Variants in RAI14 observed in about 807,000 individuals in gnomAD.
RAI14 encodes the protein ankycorbin.
Under a neutral mutation model 115.4 loss-of-function variants are expected in RAI14, and 45 were observed. That is an observed-to-expected ratio of 0.39 (90% CI 0.31 to 0.50). RAI14 has a LOEUF of 0.50. Among genes scored for constraint, RAI14 ranks in the 20% least tolerant of loss-of-function variants. The pLI, the probability that RAI14 is intolerant of heterozygous loss-of-function variation, is 0.85. For missense variants in RAI14, 939 were observed against 1,131.2 expected (o/e 0.83, Z 2.44); for synonymous variants, 371 against 415.4 (o/e 0.89, Z 1.30).
chr5:34,807,743 G>T, intron 5 of RAI14, 57 bp from the exon 6 acceptor site: 1 of 1,318,442 alleles, frequency 7.6e-7, no homozygotes, highest in South Asian at 1.2e-5. Flanking sequence ...AGTCTGAACT[G>T]AATAGAATTG....
chr5:34,812,403 C>T (rs939300447), intron 10 of RAI14, among the ~76,000 whole-genome samples, 195 bp downstream of exon 10: 5 of 152,166 alleles, frequency 3.3e-5, no homozygotes, highest in Non-Finnish European at 7.3e-5. Context: ...CGGTGGCTCA[C>T]GCCTGTAATC....
intron 3 of RAI14, among the ~76,000 whole-genome samples, chr5:34,766,983 AT>A (rs796922834): frequency 9.0e-4 from 136 of 151,830 alleles, no homozygotes; most frequent in African/African-American, 3.1e-3. Flanking sequence ...CATCTTCGTC[AT>A]TTTTCTCTTG....
chr5:34,802,501 C>G (rs1429471512), intron 4 of RAI14, among the ~76,000 whole-genome samples: 1 of 152,120 alleles, frequency 6.6e-6, no homozygotes, highest in Non-Finnish European at 1.5e-5. Flanking sequence ...GTCCTCTGCT[C>G]TGACCCTCTC....
In RAI14 at chr5:34,824,483, G is replaced by T. The variant is rs1325085615; in HGVS notation, c.2641G>T (p.Asp881Tyr). 19 of 1,569,290 alleles carry T rather than the reference G, an allele frequency of 1.2e-5. No homozygotes were observed. Among genetic ancestry groups the T allele is most frequent in the Non-Finnish European group, 1.6e-5 (19 of 1,158,796 alleles). The change falls in exon 15 of 18, where the codon GAT (aspartate) becomes TAT (tyrosine). Residue 881 changes from aspartate to tyrosine, a missense_variant. Coordinates refer to ENST00000265109, the MANE Select transcript of RAI14 (RefSeq NM_015577.3). ...ESSSKLEEDK[D>Y]KKINEMSKEV... Reference sequence around the variant, plus strand: ...CTCTTCAAAACTGGAGGAAGATAAAGATAAAAAGGTTGGTGAAACTGTATT... The same window carrying T: ...CTCTTCAAAACTGGAGGAAGATAAATATAAAAAGGTTGGTGAAACTGTATT...
chr5:34,832,472 A>G lies in RAI14; in HGVS notation c.*1707A>G, dbSNP rs1039191235. The G allele has an allele frequency of 3.9e-5, 6 of 152,766 alleles. No homozygotes were observed. The highest frequency in any genetic ancestry group is 1.9e-4 in the East Asian group (1 of 5,194). 9.5% of individuals were successfully genotyped at this position (152,766 alleles called of 1,614,324 possible). A position where few individuals can be genotyped will look rare whatever the true frequency, so the allele number is the denominator to read the frequency against. ...TTTTGTAGGATGCCTGACGAGGTGT[A>G]GCCTTTTATCTTGTTTCCGGATGCA... is the stretch of plus-strand genomic sequence containing the variant. On this transcript the variant is annotated 3_prime_UTR_variant, in exon 18 of 18. Coordinates refer to ENST00000265109, the MANE Select transcript of RAI14 (RefSeq NM_015577.3).
At chr5:34,757,768 C>T (rs1190101687) in intron 3 of RAI14, 170 bp downstream of exon 3, 4 of 868,096 alleles carry the variant, frequency 4.6e-6, no homozygotes, top group Non-Finnish European at 6.5e-6. Context: ...TTCCAAGTCA[C>T]ATATGGAGCT....
intron 3 of RAI14, among the ~76,000 whole-genome samples, chr5:34,785,510 A>G (rs552000181): frequency 3.4e-4 from 52 of 152,284 alleles, no homozygotes; most frequent in African/African-American, 1.1e-3. Context: ...TGGGCCCTTC[A>G]CAGTGCAAAA....
chr5:34,695,696 A>G (rs1034325408), intron 2 of RAI14, among the ~76,000 whole-genome samples: 1 of 152,168 alleles, frequency 6.6e-6, no homozygotes, highest in African/African-American at 2.4e-5. Flanking sequence ...GTTTCTATTT[A>G]CTTTTTTAAT....
At chr5:34,724,934 TG>T (rs1349484584) in intron 2 of RAI14, among the ~76,000 whole-genome samples, 1 of 152,016 alleles carries the variant, frequency 6.6e-6, no homozygotes, top group African/African-American at 2.4e-5. Flanking sequence ...TCTGGGAGAA[TG>T]GAGAGGTGGG....
intron 12 of RAI14, among the ~76,000 whole-genome samples, 157 bp downstream of exon 12, chr5:34,814,826 T>A (rs1054927823): frequency 6.6e-6 from 1 of 152,186 alleles, no homozygotes; most frequent in African/African-American, 2.4e-5. Flanking sequence ...TTTTCTGGCA[T>A]GGACCCCATA....
intron 1 of RAI14, among the ~76,000 whole-genome samples, chr5:34,683,791 G>C (rs1195321087): frequency 1.3e-5 from 2 of 151,612 alleles, no homozygotes; most frequent in East Asian, 1.9e-4. Flanking sequence ...GCAGTGGCGC[G>C]ATATCGGCTC....
intron 4 of RAI14, among the ~76,000 whole-genome samples, chr5:34,799,406 CT>C (rs1351558999): frequency 6.6e-6 from 1 of 151,796 alleles, no homozygotes. Context: ...CACCTTCAAT[CT>C]GAAGATCCAG....
At chr5:34,664,958 C>T (rs928203798) in intron 1 of RAI14, among the ~76,000 whole-genome samples, 4 of 137,198 alleles carry the variant, frequency 2.9e-5, no homozygotes, top group Non-Finnish European at 6.2e-5. Flanking sequence ...TTAGTTCACT[C>T]CTTTTTATGG....
intron 3 of RAI14, among the ~76,000 whole-genome samples, chr5:34,786,813 G>C (rs1002949818): frequency 4.6e-5 from 7 of 152,210 alleles, no homozygotes; most frequent in African/African-American, 1.7e-4. Context: ...CACACACACA[G>C]AAATACAGAC....
intron 4 of RAI14, 58 bp from the exon 5 acceptor site, chr5:34,803,654 A>AT (rs981293293): frequency 1.5e-5 from 21 of 1,394,786 alleles, no homozygotes; most frequent in Admixed American, 4.2e-5. Context: ...TAAGAAAGAG[A>AT]TTTTTTTTAA....
intron 2 of RAI14, among the ~76,000 whole-genome samples, chr5:34,698,480 G>A (rs1438391772): frequency 6.6e-6 from 1 of 151,970 alleles, no homozygotes; most frequent in African/African-American, 2.4e-5. Context: ...AAACAATTAA[G>A]GCAGTGCCAG....
At chr5:34,781,015 A>G (rs1751548473) in intron 3 of RAI14, among the ~76,000 whole-genome samples, 1 of 152,134 alleles carries the variant, frequency 6.6e-6, no homozygotes, top group South Asian at 2.1e-4. Flanking sequence ...TGTGGCACAT[A>G]TACACCATGG....
intron 2 of RAI14, 123 bp from the exon 3 acceptor site, chr5:34,757,345 A>G (rs772312560): frequency 8.8e-7 from 1 of 1,136,994 alleles, no homozygotes; most frequent in African/African-American, 1.5e-5. Context: ...AAACACACTC[A>G]TTCGGGAGCA....
chr5:34,822,250 G>GTATGTGTATATATATATATATA (rs1554012471), intron 14 of RAI14, among the ~76,000 whole-genome samples: 31 of 134,736 alleles, frequency 2.3e-4, no homozygotes, highest in African/African-American at 8.7e-4. Flanking sequence ...ATGTGTGTAT[G>GTATGTGTATATATATATATATA]TATATATATA....
Sources: allele counts gnomAD v4.1 joint callset (sites outside exome capture counted in the v4.1 genomes callset), GRCh38; gene constraint gnomAD v4.1.1; transcripts MANE v1.5; gene names NCBI Gene and HGNC (gene_info 2026-07-23, HGNC 2026-07-21).